Variants in CDKAL1 observed in about 807,000 individuals in gnomAD.
The protein encoded by CDKAL1 is threonylcarbamoyladenosine tRNA methylthiotransferase.
CDKAL1 carries 32 observed loss-of-function variants against 68.2 expected under a neutral mutation model. The ratio of observed to expected loss-of-function variants is 0.47; its 90% CI spans 0.35 to 0.63. The LOEUF (loss-of-function observed/expected upper bound fraction) is 0.63. Ranked by LOEUF, CDKAL1 falls within the 30% of genes least tolerant of loss-of-function variation. The pLI is 0.00. For missense variants in CDKAL1, 606 were observed against 696.7 expected (o/e 0.87, Z 1.47); for synonymous variants, 234 against 244.3 (o/e 0.96, Z 0.39).
At position 21,201,179 on chromosome 6, in the gene CDKAL1, C is replaced by T. The variant is rs763919026; in HGVS notation, c.1453C>T (p.His485Tyr). 1.9e-6 allele frequency: 3 copies of T among 1,613,984 alleles called. No individual in the cohort carries two copies. The highest frequency in any genetic ancestry group is 2.2e-5 in the South Asian group (2 of 91,058). Residue 485 changes from histidine (H) to tyrosine (Y), a missense_variant, in exon 15 of 16, where the codon CAT becomes TAT. By Grantham distance (83) the His-to-Tyr change is moderately conservative. Transcript: ENST00000274695. ...VEVDIYESGK[H>Y]FMKGQPVSDA... ...AGTGGACATCTATGAATCAGGCAAA[C>T]ATTTTATGAAAGGGCAGCCAGTATC...
At chr6:20,770,715 T>G (rs1774905587) in intron 7 of CDKAL1, among the ~76,000 whole-genome samples, 1 of 152,208 alleles carries the variant, frequency 6.6e-6, no homozygotes. Flanking sequence ...ATGGGGCCCC[T>G]TCCTGCCAAG....
intron 7 of CDKAL1, among the ~76,000 whole-genome samples, chr6:20,779,067 A>G (rs986230954): frequency 1.3e-5 from 2 of 152,202 alleles, no homozygotes; most frequent in Non-Finnish European, 2.9e-5. Flanking sequence ...CACTATGGAA[A>G]TGAGTATTCA....
intron 9 of CDKAL1, among the ~76,000 whole-genome samples, chr6:20,901,918 A>C (rs1241201281): frequency 6.6e-6 from 1 of 151,890 alleles, no homozygotes; most frequent in Non-Finnish European, 1.5e-5. Context: ...CTGGGACCAC[A>C]GGTGCATGCC....
intron 5 of CDKAL1, among the ~76,000 whole-genome samples, chr6:20,664,480 G>T (rs1400051313): frequency 1.3e-5 from 2 of 152,082 alleles, no homozygotes; most frequent in Non-Finnish European, 2.9e-5. Flanking sequence ...GTTTAATTTG[G>T]TGCTTTCCTT....
chr6:20,960,165 T>A (rs989086729), intron 10 of CDKAL1, among the ~76,000 whole-genome samples: 1 of 152,216 alleles, frequency 6.6e-6, no homozygotes, highest in African/African-American at 2.4e-5. Context: ...TTGCCCAGGC[T>A]GGAGTGCTGT....
At chr6:20,893,387 T>A (rs1351837509) in intron 9 of CDKAL1, among the ~76,000 whole-genome samples, 2 of 152,180 alleles carry the variant, frequency 1.3e-5, no homozygotes, top group East Asian at 3.9e-4. Flanking sequence ...GTTCAATTTA[T>A]ATCTCATGCC....
intron 8 of CDKAL1, among the ~76,000 whole-genome samples, chr6:20,806,339 G>C (rs1363871689): frequency 6.6e-6 from 1 of 152,134 alleles, no homozygotes; most frequent in Non-Finnish European, 1.5e-5. Flanking sequence ...TTATGGCTTT[G>C]TAGTATTCCA....
chr6:20,795,895 T>A (rs1025718602), intron 8 of CDKAL1, among the ~76,000 whole-genome samples: 1 of 152,188 alleles, frequency 6.6e-6, no homozygotes, highest in African/African-American at 2.4e-5. Context: ...GGAAAGAGAT[T>A]GGAACTAGTA....
chr6:21,133,345 C>G (rs1775424805), intron 13 of CDKAL1, among the ~76,000 whole-genome samples: 1 of 152,008 alleles, frequency 6.6e-6, no homozygotes, highest in African/African-American at 2.4e-5. Context: ...TAGGGACAGG[C>G]TGTTGGTTTG....
At chr6:20,856,326 A>G (rs1759336461) in intron 9 of CDKAL1, among the ~76,000 whole-genome samples, 1 of 152,232 alleles carries the variant, frequency 6.6e-6, no homozygotes, top group Non-Finnish European at 1.5e-5. Context: ...ATGAAATTCC[A>G]TGTATGACTT....
At chr6:21,187,945 A>G (rs981715473) in intron 13 of CDKAL1, among the ~76,000 whole-genome samples, 4 of 152,134 alleles carry the variant, frequency 2.6e-5, no homozygotes, top group Non-Finnish European at 5.9e-5. Flanking sequence ...CCATTTGTGA[A>G]AAAAAAGGAC....
At chr6:20,781,831 T>G (rs1418584775) in intron 8 of CDKAL1, among the ~76,000 whole-genome samples, 1 of 152,198 alleles carries the variant, frequency 6.6e-6, no homozygotes, top group Non-Finnish European at 1.5e-5. Context: ...ATTTATTGAA[T>G]TTTTGCATTC....
At chr6:20,634,914 TTGC>T (rs1767831407) in intron 4 of CDKAL1, among the ~76,000 whole-genome samples, 2 of 146,578 alleles carry the variant, frequency 1.4e-5, no homozygotes, top group Admixed American at 1.4e-4. Flanking sequence ...GAGGTAGAGG[TTGC>T]AGTGAGCCAA....
intron 13 of CDKAL1, among the ~76,000 whole-genome samples, chr6:21,158,231 A>G (rs966986924): frequency 6.6e-6 from 1 of 152,204 alleles, no homozygotes; most frequent in African/African-American, 2.4e-5. Context: ...TTCTGCTTTC[A>G]TCCAACCTTT....
chr6:20,548,790 T>A (rs1295774789), intron 4 of CDKAL1, 85 bp downstream of exon 4: 10 of 622,948 alleles, frequency 1.6e-5, no homozygotes, highest in Non-Finnish European at 2.5e-5. Flanking sequence ...TTAAAGGGTA[T>A]TTTAGCATGA....
At chr6:20,638,895 G>A (rs1768032700) in intron 4 of CDKAL1, among the ~76,000 whole-genome samples, 1 of 152,130 alleles carries the variant, frequency 6.6e-6, no homozygotes, top group African/African-American at 2.4e-5. Context: ...GCCTCCTAAA[G>A]TGCTAGGATT....
rs752934075 is a variant in CDKAL1, at chr6:20,955,533, C to T, written c.857C>T (p.Ala286Val). Residue 286 changes from alanine (A) to valine (V), a missense_variant, in exon 10 of 16, where the codon GCA (alanine) becomes GTA (valine). Transcript: ENST00000274695. ...WKLVEVIPEG[A>V]MLRLGMTNPP... is the part of the protein sequence containing the mutation. The stretch of plus-strand genomic sequence containing the variant: ...CTGGTTGAAGTGATTCCTGAGGGAG[C>T]AATGCTGAGGCTTGGCATGACAAAT... 3 of 1,613,994 alleles carry T rather than the reference C, an allele frequency of 1.9e-6. 1 individual carries two copies. The South Asian group carries it at 3.3e-5, about 18-fold the overall frequency.
chr6:21,205,992 G>GC (rs1778916227), intron 15 of CDKAL1, among the ~76,000 whole-genome samples: 1 of 148,054 alleles, frequency 6.8e-6, no homozygotes, highest in Non-Finnish European at 1.5e-5. Context: ...CCGCCACCGC[G>GC]CCCGGCTAAT....
chr6:20,700,632 A>G (rs1771308409), intron 5 of CDKAL1, among the ~76,000 whole-genome samples: 1 of 152,172 alleles, frequency 6.6e-6, no homozygotes, highest in Non-Finnish European at 1.5e-5. Flanking sequence ...TGGCAAGCTC[A>G]GATTTGTTTT....
Sources: gnomAD v4.1 joint callset for allele counts (sites outside exome capture counted in the v4.1 genomes callset) on GRCh38, gnomAD v4.1.1 for gene constraint, MANE v1.5 for transcripts, NCBI Gene and HGNC (gene_info 2026-07-23, HGNC 2026-07-21) for gene names.